The following GNAS variants were observed in gnomAD, a reference collection of about 807,000 sequenced individuals.
The protein encoded by GNAS is GNAS complex locus.
Under a neutral mutation model 54.5 loss-of-function variants are expected in GNAS, and 8 were observed. The ratio of observed to expected loss-of-function variants is 0.15; its 90% CI spans 0.09 to 0.26. GNAS has a LOEUF of 0.26. Among genes scored for constraint, GNAS ranks in the 10% least tolerant of loss-of-function variants. The pLI, the probability that GNAS is intolerant of heterozygous loss-of-function variation, is 1.00. For missense variants in GNAS, 170 were observed against 529.8 expected (o/e 0.32, Z 6.67); for synonymous variants, 204 against 191.4 (o/e 1.07, Z -0.54).
chr20:58,884,660 C>T (rs1243544996), intron 1 of GNAS: 1 of 152,230 alleles, frequency 6.6e-6, no homozygotes, highest in African/African-American at 2.4e-5. Flanking sequence ...GTTAAAAGTT[C>T]TAAGCAACAG....
At chr20:58,885,257 CAG>C (rs1002922337) in intron 1 of GNAS, among the ~76,000 whole-genome samples, 6 of 152,248 alleles carry the variant, frequency 3.9e-5, no homozygotes, top group South Asian at 2.1e-4. Flanking sequence ...GCCTCCCCAT[CAG>C]AGAGTCAGGA....
rs921623721 is a variant in GNAS at position 58,841,990 on chromosome 20, C to T, written c.43+1104C>T. 2.4e-5 allele frequency: 23 copies of T among 951,942 alleles called. No individual in the cohort carries two copies. Among genetic ancestry groups the T allele is most frequent in the Non-Finnish European group, 3.0e-5 (22 of 732,206 alleles). 59.0% of individuals were successfully genotyped at this position (951,942 alleles called of 1,614,324 possible). On this transcript the variant is annotated intron_variant, in intron 1 of 12. Coordinates refer to the GNAS transcript ENST00000306090. This position sits in a 1 kb window ranked among gnomAD's most constrained non-coding sequence, Gnocchi z 5.0. ...CAGAGCTGGGGAAAGGTGTTGGATC[C>T]GGCGCCAGTCCTTGGACGATCAGTC...
At chr20:58,842,884 A>G (rs1023589275) in intron 1 of GNAS, among the ~76,000 whole-genome samples, 13 of 152,218 alleles carry the variant, frequency 8.5e-5, no homozygotes, top group African/African-American at 3.1e-4. Context: ...CCGTTTTCCC[A>G]CAGAGAATTA....
intron 3 of GNAS, among the ~76,000 whole-genome samples, chr20:58,902,051 T>A (rs1345057195): frequency 1.3e-5 from 2 of 151,922 alleles, no homozygotes; most frequent in South Asian, 4.2e-4. Flanking sequence ...GATTAAAAAA[T>A]ATATATATAC....
chr20:58,901,003 C>A (rs752990379), intron 3 of GNAS, among the ~76,000 whole-genome samples: 1 of 152,130 alleles, frequency 6.6e-6, no homozygotes, highest in Non-Finnish European at 1.5e-5. Flanking sequence ...ACTGCTTAGA[C>A]CAAAATATCA....
chr20:58,854,853 C>G (rs768387351), intron 1 of GNAS: 1 of 1,595,782 alleles, frequency 6.3e-7, no homozygotes, highest in Non-Finnish European at 8.5e-7. Flanking sequence ...CCATCTCAGA[C>G]CCCCCAGCCC....
chr20:58,908,986 G>T, intron 6 of GNAS, 176 bp from the exon 7 acceptor site: 1 of 753,324 alleles, frequency 1.3e-6, no homozygotes, highest in South Asian at 1.4e-5. Context: ...CCTTCTTAAG[G>T]CATCAGCTTT....
chr20:58,887,695 T>A (rs2145838288), upstream of GNAS, among the ~76,000 whole-genome samples: 1 of 152,318 alleles, frequency 6.6e-6, no homozygotes, highest in Middle Eastern at 3.4e-3. Flanking sequence ...CCCCAACTTT[T>A]CAGCCAAGTT....
At chr20:58,899,841 T>C (rs754302705) in intron 3 of GNAS, 9 of 696,286 alleles carry the variant, frequency 1.3e-5, no homozygotes, top group Non-Finnish European at 2.4e-5. Flanking sequence ...TGACTTAGTT[T>C]AGGGCATCTC....
intron 1 of GNAS, among the ~76,000 whole-genome samples, chr20:58,893,918 C>T (rs113959523): frequency 0.025 from 3,812 of 152,302 alleles, 80 homozygotes; most frequent in Non-Finnish European, 0.037. Flanking sequence ...CCTTGCGTCA[C>T]GGGGGCTAAT....
chr20:58,889,399 C>T (rs1426121649), upstream of GNAS: 19 of 982,758 alleles, frequency 1.9e-5, no homozygotes, highest in Middle Eastern at 5.2e-4. Flanking sequence ...GCGAGTCGCC[C>T]GGCGCAGGCA....
chr20:58,840,461 A>ATCGAGTCCGAGACCGACT (rs1255784891), upstream of GNAS: 1 of 1,613,352 alleles, frequency 6.2e-7, no homozygotes, highest in Non-Finnish European at 8.5e-7. This position sits in a 1 kb window ranked among gnomAD's most constrained non-coding sequence, Gnocchi z 6.0. Flanking sequence ...CGAGTCCGAA[A>ATCGAGTCCGAGACCGACT]TCGAGTCCGA....
intron 1 of GNAS, among the ~76,000 whole-genome samples, chr20:58,865,556 C>A (rs2087015729): frequency 7.0e-6 from 1 of 142,960 alleles, no homozygotes; most frequent in South Asian, 2.2e-4. Flanking sequence ...TTTTTTTTTC[C>A]AGAGAAAAGT....
intron 2 of GNAS, chr20:58,898,619 T>C (rs1370091917): frequency 2.2e-6 from 1 of 454,986 alleles, no homozygotes; most frequent in African/African-American, 1.9e-5. Flanking sequence ...ATCACTGCTT[T>C]AGCTCCCTAA....
upstream of GNAS, chr20:58,840,250 C>A: frequency 6.2e-7 from 1 of 1,611,422 alleles, no homozygotes; most frequent in Non-Finnish European, 8.5e-7. This position sits in a 1 kb window ranked among gnomAD's most constrained non-coding sequence, Gnocchi z 6.0. Context: ...TTGCCACCTC[C>A]AACGCCCGTG....
At chr20:58,858,196 C>A (rs896084977) in intron 1 of GNAS, among the ~76,000 whole-genome samples, 30 of 152,318 alleles carry the variant, frequency 2.0e-4, no homozygotes, top group African/African-American at 7.2e-4. Context: ...AACAAGACAT[C>A]CATACATCCC....
At position 58,853,143 on chromosome 20, in the gene GNAS, C is replaced by A; in HGVS notation, c.43+12257C>A. 1.4e-6 allele frequency: 2 copies of A among 1,434,500 alleles called. No homozygotes were observed. Among genetic ancestry groups the A allele is most frequent in the Non-Finnish European group, 1.8e-6 (2 of 1,099,302 alleles). 88.9% of individuals were successfully genotyped at this position (1,434,500 alleles called of 1,614,324 possible). The stretch of plus-strand genomic sequence containing the variant: ...ACCTCACAAGGGTTGGAAAGTGAGG[C>A]CGGTGAACTTTCCAGCTGGTACTTT... On this transcript the variant is annotated intron_variant, in intron 1 of 12. Coordinates refer to the GNAS transcript ENST00000306090. This position sits in a 1 kb window ranked among gnomAD's most constrained non-coding sequence, Gnocchi z 4.4.
In GNAS at chr20:58,895,594, CT is replaced by C; in HGVS notation, c.140-16del. On this transcript the variant is annotated splice_polypyrimidine_tract_variant and intron_variant, in intron 1 of 12. Coordinates refer to ENST00000371085, the MANE Select transcript of GNAS (RefSeq NM_000516.7). ...AAAATGCCTCCTTCATAACCTGAGA[CT>C]TACTTTCATTTTCTAGGTGCTGGAG... 1.3e-6 allele frequency: 2 copies of C among 1,528,484 alleles called. No individual in the cohort carries two copies. Among genetic ancestry groups the C allele is most frequent in the Non-Finnish European group, 1.8e-6 (2 of 1,101,862 alleles). 94.7% of individuals were successfully genotyped at this position (1,528,484 alleles called of 1,614,324 possible).
chr20:58,849,053 G>A (rs1027017452), intron 1 of GNAS: 4 of 393,028 alleles, frequency 1.0e-5, no homozygotes, highest in Admixed American at 4.4e-5. Flanking sequence ...TCAGCTTATA[G>A]TGGTGATTTT....
Sources: allele counts gnomAD v4.1 joint callset (sites outside exome capture counted in the v4.1 genomes callset), GRCh38; gene constraint gnomAD v4.1.1; non-coding constraint Gnocchi (gnomAD v3.1); transcripts MANE v1.5; gene names NCBI Gene and HGNC (gene_info 2026-07-23, HGNC 2026-07-21).